The following PRKAG2 variants were observed in gnomAD, a reference collection of about 807,000 sequenced individuals.
PRKAG2 encodes protein kinase AMP-activated non-catalytic subunit gamma 2, also known as 5'-AMP-activated protein kinase subunit gamma-2.
Under a neutral mutation model 69.6 loss-of-function variants are expected in PRKAG2, and 26 were observed. The observed-to-expected ratio is 0.37, with a 90% CI of 0.27 to 0.52. PRKAG2 has a LOEUF of 0.52. Among genes scored for constraint, PRKAG2 ranks in the 20% least tolerant of loss-of-function variants. The probability of loss-of-function intolerance (pLI) is 0.90; values close to 1 mark genes in which losing one functional copy is unlikely to be tolerated. For missense variants in PRKAG2, 557 were observed against 740.0 expected, an observed-to-expected ratio of 0.75 and a Z score of 2.87; for synonymous variants, 293 against 285.0, an observed-to-expected ratio of 1.03 and a Z score of -0.28.
rs2079727930 is a variant in PRKAG2 at position 151,855,393 on chromosome 7, CA to C, written c.114+21113del. Among the ~76,000 whole-genome samples the C allele has an allele frequency of 3.1e-4, 8 of 25,852 alleles. 2 individuals are homozygous for C. The highest frequency in any genetic ancestry group is 4.6e-4 in the Non-Finnish European group (6 of 13,164). The allele number at this position is 25,852 out of a possible 152,430, so 17.0% of individuals were successfully genotyped here. On this transcript the variant is annotated intron_variant, in intron 1 of 15. Coordinates refer to ENST00000287878, the MANE Select transcript of PRKAG2 (RefSeq NM_016203.4). ...CACACACACCGCCCTCCACACACAC[CA>C]TCCACACACCACCCTCCACATACAC...
chr7:151,782,358 AGGG>A (rs879637684), intron 2 of PRKAG2, among the ~76,000 whole-genome samples: 34,879 of 76,974 alleles, frequency 0.45, 9,534 homozygotes, highest in South Asian at 0.66. Context: ...GGAGGGAGGG[AGGG>A]AGGGAGGGAG....
At chr7:151,730,679 G>C (rs906712677) in intron 3 of PRKAG2, among the ~76,000 whole-genome samples, 2 of 152,124 alleles carry the variant, frequency 1.3e-5, no homozygotes, top group East Asian at 3.8e-4. Context: ...GGGGCTGGAT[G>C]GGGGCGGGAG....
chr7:151,822,932 T>G (rs1489882085), intron 1 of PRKAG2, among the ~76,000 whole-genome samples: 1 of 151,690 alleles, frequency 6.6e-6, no homozygotes, highest in Non-Finnish European at 1.5e-5. Context: ...CAGCGACTAA[T>G]CAGCCTGGGG....
intron 3 of PRKAG2, 56 bp from the exon 4 acceptor site, chr7:151,675,693 G>A (rs1391505080): frequency 1.3e-6 from 2 of 1,523,202 alleles, no homozygotes; most frequent in Non-Finnish European, 1.8e-6. Flanking sequence ...AGGGACGTCG[G>A]GGGTGGTCAG....
chr7:151,752,583 T>C (rs2074774685), intron 3 of PRKAG2, among the ~76,000 whole-genome samples: 1 of 152,130 alleles, frequency 6.6e-6, no homozygotes. Context: ...TTTTTTAAAA[T>C]ATTTGATAAT....
Position 151,565,732 on chromosome 7 carries a change from C to T in PRKAG2, c.1387G>A (p.Val463Met). ...VERRISALPV[V>M]DESGKVVDIY... Reference sequence around the variant, plus strand: ...CAAACACACAAACCTGACTCATCCACAACAGGCAGAGCTGATATTCGTCTT... The same window carrying T: ...CAAACACACAAACCTGACTCATCCATAACAGGCAGAGCTGATATTCGTCTT... Residue 463 changes from valine to methionine, a missense_variant, in exon 12 of 16, where the codon GTG becomes ATG. Transcript: ENST00000287878. 6.2e-7 allele frequency: 1 copy of T among 1,613,860 alleles called. No homozygotes were observed. Among genetic ancestry groups the T allele is most frequent in the Non-Finnish European group, 8.5e-7 (1 of 1,179,738 alleles).
At chr7:151,811,909 A>T (rs2078442673) in intron 1 of PRKAG2, among the ~76,000 whole-genome samples, 1 of 152,208 alleles carries the variant, frequency 6.6e-6, no homozygotes, top group East Asian at 1.9e-4. Context: ...TTTGAGCTCT[A>T]GTTTGCCATT....
In PRKAG2 at chr7:151,836,431, C is replaced by A. The variant is rs2079149569; in HGVS notation, c.114+40076G>T. 6.6e-6 allele frequency among the ~76,000 whole-genome samples: 1 copy of A among 152,222 alleles called. No individual in the cohort carries two copies. Among genetic ancestry groups the A allele is most frequent in the Non-Finnish European group, 1.5e-5 (1 of 68,036 alleles). ...CCTGATCACCGCAGTGACGCTCCTG[C>A]TCAAGCTGGGAGAACCAGGGTCAAG... On this transcript the variant is annotated intron_variant, in intron 1 of 15. Transcript: ENST00000287878. This position sits in a 1 kb window ranked among gnomAD's most constrained non-coding sequence, Gnocchi z 4.1.
intron 3 of PRKAG2, among the ~76,000 whole-genome samples, chr7:151,745,288 C>G (rs1240566767): frequency 1.3e-5 from 2 of 152,188 alleles, no homozygotes; most frequent in African/African-American, 2.4e-5. Flanking sequence ...AGCAACACGC[C>G]TTAGCACATA....
At chr7:151,605,513 T>C (rs1360276122) in intron 5 of PRKAG2, among the ~76,000 whole-genome samples, 1 of 151,486 alleles carries the variant, frequency 6.6e-6, no homozygotes, top group African/African-American at 2.4e-5. Flanking sequence ...GGCGGGTGGA[T>C]TGCTTGAGAG....
chr7:151,688,146 A>G (rs1403173438), intron 3 of PRKAG2, among the ~76,000 whole-genome samples: 2 of 148,742 alleles, frequency 1.3e-5, no homozygotes, highest in Non-Finnish European at 3.0e-5. Flanking sequence ...GGGGACTTTC[A>G]TACTCTCAGC....
At chr7:151,597,824 C>CCCA (rs1554482770) in intron 5 of PRKAG2, among the ~76,000 whole-genome samples, 1 of 148,146 alleles carries the variant, frequency 6.8e-6, no homozygotes, top group African/African-American at 2.5e-5. Flanking sequence ...AAGGGAGCCC[C>CCCA]CCCCCCCGCT....
chr7:151,803,059 G>A (rs2077926198), intron 1 of PRKAG2, among the ~76,000 whole-genome samples: 2 of 151,840 alleles, frequency 1.3e-5, no homozygotes, highest in South Asian at 4.2e-4. Flanking sequence ...CTGGGTTCAA[G>A]TGATTCTCCT....
chr7:151,706,808 T>C (rs1446172311), intron 3 of PRKAG2, among the ~76,000 whole-genome samples: 8 of 152,188 alleles, frequency 5.3e-5, no homozygotes, highest in African/African-American at 1.9e-4. Context: ...CTTCTGCTTC[T>C]CCAACCTGAG....
At chr7:151,730,446 G>A (rs146329320) in intron 3 of PRKAG2, among the ~76,000 whole-genome samples, 60 of 152,306 alleles carry the variant, frequency 3.9e-4, no homozygotes, top group Non-Finnish European at 7.1e-4. Context: ...GTGGAGGATC[G>A]CTTGAGCCCA....
At chr7:151,821,830 T>C (rs2078790034) in intron 1 of PRKAG2, among the ~76,000 whole-genome samples, 1 of 152,216 alleles carries the variant, frequency 6.6e-6, no homozygotes, top group South Asian at 2.1e-4. Flanking sequence ...AGTTTCCTCA[T>C]TTGTAAAGTG....
chr7:151,580,120 G>A (rs1016513946), intron 6 of PRKAG2, among the ~76,000 whole-genome samples: 2 of 152,186 alleles, frequency 1.3e-5, no homozygotes, highest in South Asian at 4.1e-4. Flanking sequence ...AAGGTGGGGG[G>A]ATCACTTGAG....
At chr7:151,731,582 CG>C (rs1224996249) in intron 3 of PRKAG2, among the ~76,000 whole-genome samples, 14 of 151,862 alleles carry the variant, frequency 9.2e-5, no homozygotes, top group Non-Finnish European at 2.1e-4. Flanking sequence ...TCTCTTGACC[CG>C]GGGAACTGCA....
intron 3 of PRKAG2, among the ~76,000 whole-genome samples, chr7:151,715,048 T>C (rs1795948318): frequency 1.3e-5 from 2 of 148,384 alleles, no homozygotes; most frequent in Non-Finnish European, 3.0e-5. Flanking sequence ...GGAGTTTCGC[T>C]CTTGTTGCCC....
Sources: gnomAD v4.1 joint callset for allele counts (sites outside exome capture counted in the v4.1 genomes callset) on GRCh38, gnomAD v4.1.1 for gene constraint, Gnocchi (gnomAD v3.1) non-coding constraint, MANE v1.5 for transcripts, NCBI Gene and HGNC (gene_info 2026-07-23, HGNC 2026-07-21) for gene names.